The following FNDC3A variants were observed in gnomAD, a reference collection of about 807,000 sequenced individuals.
FNDC3A encodes the protein fibronectin type III domain containing 3A, also known as fibronectin type-III domain-containing protein 3A.
In FNDC3A, 32 loss-of-function variants were observed where a neutral mutation model predicts 148.9. The observed-to-expected ratio is 0.21, with a 90% CI of 0.16 to 0.29. The LOEUF (loss-of-function observed/expected upper bound fraction) is 0.29. Among genes scored for constraint, FNDC3A ranks in the 10% least tolerant of loss-of-function variants. The pLI is 1.00. For missense variants in FNDC3A, 1,191 were observed against 1,452.8 expected (o/e 0.82, Z 2.93); for synonymous variants, 472 against 473.6 (o/e 1.00, Z 0.04).
intron 2 of FNDC3A, among the ~76,000 whole-genome samples, chr13:49,015,475 C>T (rs1009070811): frequency 6.6e-6 from 1 of 152,184 alleles, no homozygotes; most frequent in African/African-American, 2.4e-5. Flanking sequence ...GCTGAAGTTG[C>T]TTATCAGCTT....
chr13:49,001,804 C>G (rs569307113), intron 1 of FNDC3A, among the ~76,000 whole-genome samples: 2 of 152,102 alleles, frequency 1.3e-5, no homozygotes, highest in African/African-American at 4.8e-5. Flanking sequence ...AGTGCGTGCC[C>G]GAAACTTCAT....
At chr13:49,156,216 C>T (rs1883670182) in intron 8 of FNDC3A, among the ~76,000 whole-genome samples, 1 of 148,858 alleles carries the variant, frequency 6.7e-6, no homozygotes, top group Non-Finnish European at 1.5e-5. Flanking sequence ...GTATTGGGTG[C>T]ATATATATTT....
intron 4 of FNDC3A, 151 bp from the exon 5 acceptor site, chr13:49,130,986 G>T: frequency 1.6e-6 from 1 of 623,170 alleles, no homozygotes; most frequent in Non-Finnish European, 2.8e-6. Flanking sequence ...GGCTGTTCTC[G>T]AACTCCTGAC....
chr13:49,165,368 G>T (rs139266501), intron 8 of FNDC3A, among the ~76,000 whole-genome samples: 1 of 152,176 alleles, frequency 6.6e-6, no homozygotes, highest in Non-Finnish European at 1.5e-5. Flanking sequence ...TGTTGGTTGG[G>T]TAGAACACTT....
At chr13:49,081,851 A>G (rs942276118) in intron 3 of FNDC3A, among the ~76,000 whole-genome samples, 2 of 152,180 alleles carry the variant, frequency 1.3e-5, no homozygotes, top group Non-Finnish European at 2.9e-5. Flanking sequence ...ATACCTTTAT[A>G]GGAAGATGAA....
chr13:49,073,188 T>TTTAGTA (rs1877819815), intron 2 of FNDC3A, among the ~76,000 whole-genome samples: 1 of 152,002 alleles, frequency 6.6e-6, no homozygotes, highest in African/African-American at 2.4e-5. Flanking sequence ...AAATAAAGAA[T>TTTAGTA]TTAGTAAAGA....
chr13:49,125,997 A>G (rs1216095467), intron 4 of FNDC3A, among the ~76,000 whole-genome samples: 1 of 152,162 alleles, frequency 6.6e-6, no homozygotes, highest in Admixed American at 6.5e-5. Context: ...ACAAATTTGA[A>G]TTATATTTTA....
chr13:48,989,656 A>G (rs1471055245), intron 1 of FNDC3A, among the ~76,000 whole-genome samples: 5 of 152,270 alleles, frequency 3.3e-5, no homozygotes, highest in Admixed American at 1.3e-4. Context: ...GCTATTTTCC[A>G]AAATAGATAT....
At chr13:49,015,082 T>C (rs981393394) in intron 2 of FNDC3A, among the ~76,000 whole-genome samples, 1 of 152,120 alleles carries the variant, frequency 6.6e-6, no homozygotes, top group Non-Finnish European at 1.5e-5. Context: ...GGCGATGCGG[T>C]CTCTTTTTAG....
At chr13:49,113,037 C>T (rs1474603959) in intron 3 of FNDC3A, among the ~76,000 whole-genome samples, 5 of 151,188 alleles carry the variant, frequency 3.3e-5, no homozygotes, top group Non-Finnish European at 7.4e-5. Context: ...CTTCCCCTCC[C>T]CACCTCTTCT....
At chr13:49,093,315 TAGTC>T (rs1879309479) in intron 3 of FNDC3A, among the ~76,000 whole-genome samples, 1 of 152,206 alleles carries the variant, frequency 6.6e-6, no homozygotes, top group Non-Finnish European at 1.5e-5. Flanking sequence ...TTTCAGCACT[TAGTC>T]ATTTCTAATT....
intron 15 of FNDC3A, among the ~76,000 whole-genome samples, chr13:49,186,562 A>G (rs1885581094): frequency 1.3e-5 from 2 of 152,250 alleles, no homozygotes; most frequent in African/African-American, 2.4e-5. Context: ...ATTTCAAACA[A>G]CCTTAACATC....
chr13:49,199,214 T>TCA (rs1348639834), intron 23 of FNDC3A, among the ~76,000 whole-genome samples: 3 of 151,666 alleles, frequency 2.0e-5, no homozygotes, highest in African/African-American at 7.3e-5. Context: ...AGAGATGGGG[T>TCA]TTCACCATGT....
At chr13:49,183,068 T>C (rs1885387412) in intron 14 of FNDC3A, among the ~76,000 whole-genome samples, 1 of 152,234 alleles carries the variant, frequency 6.6e-6, no homozygotes, top group Non-Finnish European at 1.5e-5. Flanking sequence ...AGATTCTTTA[T>C]ATTTCTGTTC....
At chr13:49,027,458 A>G (rs1366156749) in intron 2 of FNDC3A, among the ~76,000 whole-genome samples, 1 of 152,234 alleles carries the variant, frequency 6.6e-6, no homozygotes, top group East Asian at 1.9e-4. Context: ...GTATAAATGT[A>G]TTAAAAAATT....
Position 49,006,276 on chromosome 13 carries a change from A to G in FNDC3A, c.86A>G (p.Asp29Gly). 6.3e-7 allele frequency: 1 copy of G among 1,592,460 alleles called. No homozygotes were observed. The highest frequency in any genetic ancestry group is 8.6e-7 in the Non-Finnish European group (1 of 1,161,250). Residue 29 changes from aspartate (D) to glycine (G), a missense_variant, in exon 2 of 26, where the codon GAT becomes GGT. Transcript: ENST00000492622. Reference protein sequence around the residue: ...SLLSAPIVSADGTQQVILVQV... With the variant: ...SLLSAPIVSAGGTQQVILVQV... ...TTGTCTGCCCCTATTGTAAGTGCAG[A>G]TGGAACACAACAGGTAAGAAAACTG...
rs759431009 is a variant in FNDC3A, at chr13:49,145,813, C to G, written c.855C>G (p.Thr285=). 1 of 1,613,736 alleles carries G rather than the reference C, an allele frequency of 6.2e-7. No homozygotes were observed. The highest frequency in any genetic ancestry group is 8.5e-7 in the Non-Finnish European group (1 of 1,179,844). The change falls in exon 8 of 26, where the codon ACC becomes ACG. Residue 285 remains threonine, a synonymous_variant. Coordinates refer to ENST00000492622, the MANE Select transcript of FNDC3A (RefSeq NM_001079673.2). ...TCCAGGCAAGGACAGTAGTACTTAC[C>G]TGGTCACCACCTTCCAGCCTCATTA... ...SDIQARTVVL[T]WSPPSSLING...
intron 3 of FNDC3A, chr13:49,110,391 A>G (rs756444761): frequency 5.6e-6 from 9 of 1,609,184 alleles, no homozygotes; most frequent in South Asian, 4.4e-5. Flanking sequence ...CTGCTACTGT[A>G]AAAACGAAAT....
chr13:49,177,211 T>C (rs777410597), intron 13 of FNDC3A, among the ~76,000 whole-genome samples: 2 of 152,184 alleles, frequency 1.3e-5, no homozygotes, highest in African/African-American at 2.4e-5. Flanking sequence ...CTATATCTGT[T>C]TTAGGGAAAC....
Sources: gnomAD v4.1 joint callset for allele counts (sites outside exome capture counted in the v4.1 genomes callset) on GRCh38, gnomAD v4.1.1 for gene constraint, MANE v1.5 for transcripts, NCBI Gene and HGNC (gene_info 2026-07-23, HGNC 2026-07-21) for gene names.